NAV2: variants seen among roughly 807,000 people sequenced by gnomAD.
The protein encoded by NAV2 is neuron navigator 2.
A neutral mutation model predicts 223.2 loss-of-function variants in NAV2; 54 were observed. The ratio of observed to expected loss-of-function variants is 0.24; its 90% CI spans 0.19 to 0.30. The LOEUF (loss-of-function observed/expected upper bound fraction) is 0.30, where lower values mean the gene tolerates loss of function less well. Ranked by LOEUF, NAV2 falls within the 10% of genes least tolerant of loss-of-function variation. The pLI is 1.00. For synonymous variants in NAV2, 1,279 were observed against 1,239.3 expected, an observed-to-expected ratio of 1.03 and a Z score of -0.67; for missense variants, 2,806 against 3,147.5, an observed-to-expected ratio of 0.89 and a Z score of 2.60.
intron 11 of NAV2, among the ~76,000 whole-genome samples, chr11:20,011,927 G>T (rs1288376648): frequency 6.6e-6 from 1 of 152,224 alleles, no homozygotes; most frequent in African/African-American, 2.4e-5. Context: ...ATGCACACTA[G>T]TGTGGGCTGC....
chr11:19,749,860 A>T (rs1337412238), intron 1 of NAV2, among the ~76,000 whole-genome samples: 4 of 152,248 alleles, frequency 2.6e-5, no homozygotes, highest in African/African-American at 9.6e-5. Context: ...GCCGTTTGTC[A>T]TCTGCGGAGA....
At chr11:19,359,941 C>T (rs1226123109) in intron 1 of NAV2, among the ~76,000 whole-genome samples, 1 of 152,164 alleles carries the variant, frequency 6.6e-6, no homozygotes, top group East Asian at 1.9e-4. Flanking sequence ...AAGGCTGATC[C>T]TCATTGCCCC....
Position 20,093,197 on chromosome 11 carries a change from G to A in NAV2, c.5914G>A (p.Glu1972Lys), listed in dbSNP as rs756414540. ...CTTTCAGGAGGAAATGAAGTGGAAG[G>A]AGGTTAGTTGGATCCCTTTCCCTGC... The part of the protein sequence containing the change: ...VSFQEEMKWK[E>K]DSRPHLFLIG... Residue 1972 changes from glutamate to lysine, a missense_variant and splice_region_variant, in exon 29 of 38, where the codon GAG becomes AAG. Coordinates refer to ENST00000349880, the MANE Select transcript of NAV2 (RefSeq NM_145117.5). 11 of 1,607,984 alleles carry A rather than the reference G, an allele frequency of 6.8e-6. 1 individual carries two copies.
rs1480148766 is a variant in NAV2, at chr11:19,998,885, T to C, written c.2768+14638T>C. 6.6e-6 allele frequency among the ~76,000 whole-genome samples: 1 copy of C among 152,236 alleles called. No individual in the cohort carries two copies. The highest frequency in any genetic ancestry group is 1.5e-5 in the Non-Finnish European group (1 of 68,046). On this transcript the variant is annotated intron_variant, in intron 11 of 37. Coordinates refer to ENST00000349880, the MANE Select transcript of NAV2 (RefSeq NM_145117.5). This position sits in a 1 kb window ranked among gnomAD's most constrained non-coding sequence, Gnocchi z 5.0. ...TCTTACTTTCATGTGTGTTAATTTT[T>C]ATTTATTTGCCTGTTATGTCTTTCC... is the stretch of plus-strand genomic sequence containing the variant.
At position 19,651,834 on chromosome 11, in the gene NAV2, C is replaced by T. The variant is rs536399243; in HGVS notation, c.76-180650C>T. 2.8e-3 allele frequency among the ~76,000 whole-genome samples: 419 copies of T among 152,288 alleles called. 2 individuals carry two copies. Among genetic ancestry groups the T allele is most frequent in the Non-Finnish European group, 3.4e-3 (234 of 68,032 alleles). ...GACCAGCTTAGCCATCCACCTTAGC[C>T]CTCATAGCAAAGACAGGGCAGATGG... is the stretch of plus-strand genomic sequence containing the variant. On this transcript the variant is annotated intron_variant, in intron 1 of 37. Coordinates refer to the NAV2 transcript ENST00000360655.
chr11:19,494,658 G>A lies in NAV2; in HGVS notation c.75+143631G>A, dbSNP rs551019915. Among the ~76,000 whole-genome samples, 3 of 152,268 alleles carry A rather than the reference G, an allele frequency of 2.0e-5. No individual in the cohort carries two copies. In the South Asian group the frequency reaches 6.2e-4, roughly 32 times the overall value. Reference sequence around the variant, plus strand: ...ATCTGTGGAGCTTATTAATTATAAGGATACAAAGACCCCACCCCGGGTTTC... The same window carrying A: ...ATCTGTGGAGCTTATTAATTATAAGAATACAAAGACCCCACCCCGGGTTTC... On this transcript the variant is annotated intron_variant, in intron 1 of 37. Coordinates refer to the NAV2 transcript ENST00000360655.
At chr11:19,703,235 C>G (rs546260641) in intron 1 of NAV2, among the ~76,000 whole-genome samples, 140 of 152,272 alleles carry the variant, frequency 9.2e-4, no homozygotes, top group African/African-American at 3.2e-3. Context: ...TTAGCACAGA[C>G]CTTCATGAGT....
At chr11:20,043,904 G>A (rs2057193631) in intron 12 of NAV2, 77 bp from the exon 13 acceptor site, 4 of 1,406,838 alleles carry the variant, frequency 2.8e-6, no homozygotes, top group Non-Finnish European at 3.9e-6. Context: ...CAGTGTTTTG[G>A]CATTTTTGCC....
At chr11:19,641,820 C>T (rs1192109264) in intron 1 of NAV2, among the ~76,000 whole-genome samples, 1 of 152,012 alleles carries the variant, frequency 6.6e-6, no homozygotes, top group Non-Finnish European at 1.5e-5. Flanking sequence ...TGGCTTCTAC[C>T]CACTCTCTTT....
chr11:19,681,898 T>G (rs952935910), intron 1 of NAV2, among the ~76,000 whole-genome samples: 6 of 152,150 alleles, frequency 3.9e-5, no homozygotes, highest in African/African-American at 1.4e-4. Context: ...GGTGGTTTCA[T>G]ATAGAAATTA....
rs1221591765 is a variant in NAV2, at chr11:19,554,278, A to G, written c.75+203251A>G. ...GAGTGTGGCTCAGAGAGGTAAATCAACTGTGCTAAGGCCACACAGCTAGCC... is the reference window on the plus strand; with the variant it reads ...GAGTGTGGCTCAGAGAGGTAAATCAGCTGTGCTAAGGCCACACAGCTAGCC... On this transcript the variant is annotated intron_variant, in intron 1 of 37. Coordinates refer to the NAV2 transcript ENST00000360655. 2.0e-5 allele frequency among the ~76,000 whole-genome samples: 3 copies of G among 152,226 alleles called. No individual in the cohort carries two copies. In the South Asian group the frequency reaches 6.2e-4, roughly 32 times the overall value.
chr11:19,897,883 GATTTAT>G (rs1346865724), intron 6 of NAV2, among the ~76,000 whole-genome samples: 2 of 101,908 alleles, frequency 2.0e-5, no homozygotes, highest in African/African-American at 9.1e-5. Flanking sequence ...CCTGACCTGT[GATTTAT>G]ATATATATAT....
At chr11:19,539,935 G>A (rs1439808395) in intron 1 of NAV2, among the ~76,000 whole-genome samples, 1 of 152,128 alleles carries the variant, frequency 6.6e-6, no homozygotes, top group Non-Finnish European at 1.5e-5. Flanking sequence ...TCTTATTCAA[G>A]CTTGGGCTCT....
intron 18 of NAV2, 81 bp from the exon 19 acceptor site, chr11:20,055,688 G>A: frequency 7.9e-7 from 1 of 1,260,170 alleles, no homozygotes; most frequent in Non-Finnish European, 1.1e-6. Flanking sequence ...CTAAAAATAA[G>A]CAGTCTTCTC....
intron 6 of NAV2, among the ~76,000 whole-genome samples, chr11:19,903,715 C>G (rs922699191): frequency 2.6e-5 from 4 of 152,096 alleles, no homozygotes; most frequent in African/African-American, 7.2e-5. Flanking sequence ...CTGCTGCCCC[C>G]TACTGCCCAA....
Position 19,822,827 on chromosome 11 carries a change from A to G in NAV2, c.268-9657A>G, listed in dbSNP as rs183980368. Among the ~76,000 whole-genome samples the G allele has an allele frequency of 3.5e-3, 534 of 152,314 alleles. 3 individuals carry two copies. Among genetic ancestry groups the G allele is most frequent in the Middle Eastern group, 0.017 (5 of 294 alleles). ...AAAGGCTGGCAATACAATTCCTCAT[A>G]TGCTCAGATGGGGAATAGAGAACCC... On this transcript the variant is annotated intron_variant, in intron 1 of 37. Coordinates refer to ENST00000349880, the MANE Select transcript of NAV2 (RefSeq NM_145117.5).
At chr11:20,043,136 C>T (rs2057098568) in intron 12 of NAV2, among the ~76,000 whole-genome samples, 1 of 152,218 alleles carries the variant, frequency 6.6e-6, no homozygotes. Context: ...TTCCCCTCAG[C>T]TCCTGGCTCT....
At chr11:19,403,002 G>C (rs1849751312) in intron 1 of NAV2, among the ~76,000 whole-genome samples, 1 of 152,170 alleles carries the variant, frequency 6.6e-6, no homozygotes, top group South Asian at 2.1e-4. Flanking sequence ...CCAGACTCTA[G>C]AGCTGGGCGC....
intron 1 of NAV2, among the ~76,000 whole-genome samples, chr11:19,623,647 A>T (rs1483674555): frequency 6.6e-6 from 1 of 152,168 alleles, no homozygotes; most frequent in Non-Finnish European, 1.5e-5. Flanking sequence ...TACACTGGTT[A>T]TTCCAGTTAG....
Sources: gnomAD v4.1 joint callset for allele counts (sites outside exome capture counted in the v4.1 genomes callset) on GRCh38, gnomAD v4.1.1 for gene constraint, Gnocchi (gnomAD v3.1) non-coding constraint, MANE v1.5 for transcripts, NCBI Gene and HGNC (gene_info 2026-07-23, HGNC 2026-07-21) for gene names.